GAB2: variants seen among roughly 807,000 people sequenced by gnomAD.
GAB2 encodes GRB2 associated binding protein 2, also known as GRB2-associated-binding protein 2.
A neutral mutation model predicts 65.5 loss-of-function variants in GAB2; 26 were observed. The ratio of observed to expected loss-of-function variants is 0.40; its 90% confidence interval spans 0.29 to 0.55. The LOEUF (loss-of-function observed/expected upper bound fraction) is 0.55. Ranked by LOEUF, GAB2 falls within the 20% of genes least tolerant of loss-of-function variation. GAB2 has a pLI of 0.53. For missense variants in GAB2, 884 were observed against 875.8 expected (o/e 1.01, Z -0.12); for synonymous variants, 321 against 329.6 (o/e 0.97, Z 0.28).
intron 1 of GAB2, among the ~76,000 whole-genome samples, chr11:78,349,411 C>T (rs894502166): frequency 1.3e-5 from 2 of 152,176 alleles, no homozygotes; most frequent in African/African-American, 4.8e-5. Context: ...ATGAGGTAGG[C>T]ACTATTATCT....
At chr11:78,239,030 C>G (rs1195511679) in intron 3 of GAB2, among the ~76,000 whole-genome samples, 2 of 151,752 alleles carry the variant, frequency 1.3e-5, no homozygotes. Flanking sequence ...TTGCTCAACA[C>G]CACTAATCAT....
intron 2 of GAB2, among the ~76,000 whole-genome samples, chr11:78,253,968 A>G (rs897930025): frequency 3.9e-5 from 6 of 152,130 alleles, no homozygotes; most frequent in Middle Eastern, 3.2e-3. Flanking sequence ...CATGCCCCCT[A>G]TGTTGAATGC....
intron 1 of GAB2, among the ~76,000 whole-genome samples, chr11:78,296,247 GGCTGGGGACCCCTGCTCTAGGGGAAAAAT>G (rs1310359801): frequency 6.6e-6 from 1 of 152,210 alleles, no homozygotes; most frequent in Non-Finnish European, 1.5e-5. Context: ...CGGCCCAGGG[GGCTGGGGACCCCTGCTCTAGGGGAAAAAT>G]ACCAGATTAG....
At chr11:78,370,256 C>A (rs1359841360) in intron 1 of GAB2, among the ~76,000 whole-genome samples, 71 of 99,138 alleles carry the variant, frequency 7.2e-4, no homozygotes, top group East Asian at 5.4e-3. Context: ...GACTCCGTCT[C>A]AAAAAAAAAA....
Position 78,227,016 on chromosome 11 carries a change from A to C in GAB2, c.656T>G (p.Phe219Cys). 6.2e-7 allele frequency: 1 copy of C among 1,613,058 alleles called. No homozygotes were observed. The highest frequency in any genetic ancestry group is 1.1e-5 in the South Asian group (1 of 91,072). The change falls in exon 4 of 10, where the codon TTT (phenylalanine) becomes TGT (cysteine). Residue 219 changes from phenylalanine to cysteine, a missense_variant. By Grantham distance (205) the Phe-to-Cys change is radical. Coordinates refer to ENST00000361507, the MANE Select transcript of GAB2 (RefSeq NM_080491.3). ...ASFSQGTRAS[F>C]LMRSDTAVQK... ...TACAGCTGTGTCACTCCTCATGAGA[A>C]AAGAGGCTCTGGTGCCCTGAGAGAA...
In GAB2 at chr11:78,226,882, T is replaced by C. The variant is rs199661541; in HGVS notation, c.790A>G (p.Ser264Gly). 131 of 1,614,006 alleles carry C rather than the reference T, an allele frequency of 8.1e-5. No homozygotes were observed. The highest frequency in any genetic ancestry group is 1.1e-4 in the Non-Finnish European group (125 of 1,180,016). Residue 264 changes from serine (S) to glycine (G), a missense_variant, in exon 4 of 10, where the codon AGT (serine) becomes GGT (glycine). Transcript: ENST00000361507. ...PSRHNTEFRD[S>G]TYDLPRSLAS... The stretch of plus-strand genomic sequence containing the variant: ...AGGCTGCGGGGGAGGTCGTAGGTAC[T>C]GTCTCTGAATTCTGTATTGTGCCGG...
At chr11:78,356,377 T>C (rs1279937145) in intron 1 of GAB2, among the ~76,000 whole-genome samples, 1 of 152,234 alleles carries the variant, frequency 6.6e-6, no homozygotes, top group African/African-American at 2.4e-5. Context: ...GAAATGTTTA[T>C]GTTTTCTTAT....
chr11:78,303,781 G>A (rs1379479987), intron 1 of GAB2, among the ~76,000 whole-genome samples: 1 of 151,964 alleles, frequency 6.6e-6, no homozygotes, highest in Admixed American at 6.5e-5. Flanking sequence ...CTGTTTGATT[G>A]AATTTACTGA....
In GAB2 at chr11:78,221,687, T is replaced by G; in HGVS notation, c.1751A>C (p.Tyr584Ser). The G allele has an allele frequency of 6.2e-7, 1 of 1,609,918 alleles. No individual in the cohort carries two copies. The highest frequency in any genetic ancestry group is 8.5e-7 in the Non-Finnish European group (1 of 1,176,416). ...STDSGDSEENYVPMQNPVSAS... is the reference protein window; with the variant it reads ...STDSGDSEENSVPMQNPVSAS... ...GCCCGAAGGACTCACCATAGGGACATAGTTCTCTTCGCTGTCTCCTGAGTC... is the reference window on the plus strand; with the variant it reads ...GCCCGAAGGACTCACCATAGGGACAGAGTTCTCTTCGCTGTCTCCTGAGTC... Residue 584 changes from tyrosine to serine, a missense_variant, in exon 8 of 10, where the codon TAT becomes TCT. Tyr to Ser is a moderately radical substitution (Grantham distance 144). Coordinates refer to ENST00000361507, the MANE Select transcript of GAB2 (RefSeq NM_080491.3).
chr11:78,244,995 T>C lies in GAB2; in HGVS notation c.620+5162A>G, dbSNP rs527495207. 8.5e-5 allele frequency among the ~76,000 whole-genome samples: 13 copies of C among 152,348 alleles called. No individual in the cohort carries two copies. In the South Asian group the frequency reaches 1.9e-3, roughly 22 times the overall value. ...AGAGCTATTTGCACCCCTATGTTTATTGCATCATTAGTCACGATAGCCAAG... is the reference window on the plus strand; with the variant it reads ...AGAGCTATTTGCACCCCTATGTTTACTGCATCATTAGTCACGATAGCCAAG... On this transcript the variant is annotated intron_variant, in intron 3 of 9. Transcript: ENST00000361507.
At chr11:78,342,190 T>C (rs1187019048) in intron 1 of GAB2, among the ~76,000 whole-genome samples, 1 of 152,248 alleles carries the variant, frequency 6.6e-6, no homozygotes, top group Non-Finnish European at 1.5e-5. Context: ...GCTTACACTC[T>C]AGTGAATGCT....
At position 78,320,875 on chromosome 11, in the gene GAB2, C is replaced by A. The variant is rs187691452; in HGVS notation, c.76-39974G>T. On this transcript the variant is annotated intron_variant, in intron 1 of 9. Coordinates refer to ENST00000361507, the MANE Select transcript of GAB2 (RefSeq NM_080491.3). ...CATGAGCCACTGTGCCCAGTCTCAA[C>A]TGGGAGATATTATAGTCCCAGTAAG... Among the ~76,000 whole-genome samples the A allele has an allele frequency of 4.6e-3, 695 of 152,118 alleles. 4 individuals carry two copies. Among genetic ancestry groups the A allele is most frequent in the African/African-American group, 0.016 (672 of 41,512 alleles).
chr11:78,382,825 A>G (rs1856715135), intron 1 of GAB2, among the ~76,000 whole-genome samples: 1 of 152,238 alleles, frequency 6.6e-6, no homozygotes. Context: ...TGTTACTAAA[A>G]CAAGGAACTC....
chr11:78,265,370 C>T (rs1030423661), intron 2 of GAB2, among the ~76,000 whole-genome samples: 1 of 152,134 alleles, frequency 6.6e-6, no homozygotes, highest in Admixed American at 6.5e-5. Flanking sequence ...TAGTTGCCCT[C>T]TCTTCACCTC....
chr11:78,250,515 G>C (rs1865425450), intron 2 of GAB2, 115 bp from the exon 3 acceptor site: 2 of 919,608 alleles, frequency 2.2e-6, no homozygotes, highest in Admixed American at 4.1e-5. Flanking sequence ...TCCAGCACTA[G>C]CATTCTCTCC....
chr11:78,342,408 T>TC (rs1856112332), intron 1 of GAB2, among the ~76,000 whole-genome samples: 1 of 146,874 alleles, frequency 6.8e-6, no homozygotes, highest in Non-Finnish European at 1.5e-5. Context: ...TTTGCACTTT[T>TC]TTTTTTTTTT....
chr11:78,295,473 C>T (rs1215045354), intron 1 of GAB2, among the ~76,000 whole-genome samples: 2 of 152,308 alleles, frequency 1.3e-5, no homozygotes, highest in East Asian at 1.9e-4. Context: ...CACACCTACA[C>T]AAACTCTCCC....
intron 1 of GAB2, among the ~76,000 whole-genome samples, chr11:78,281,607 T>A (rs1866337957): frequency 6.6e-6 from 1 of 152,246 alleles, no homozygotes; most frequent in Non-Finnish European, 1.5e-5. Context: ...CTGTGGGACC[T>A]GCAGGTGCCA....
rs545993138 is a variant in GAB2 at position 78,277,463 on chromosome 11, G to T, written c.376+3138C>A. ...TTGCAGCTGGTGCTGGGGAAAGACGGTCTCCCAATCGATAGAAAACACCTG... is the reference window on the plus strand; with the variant it reads ...TTGCAGCTGGTGCTGGGGAAAGACGTTCTCCCAATCGATAGAAAACACCTG... On this transcript the variant is annotated intron_variant, in intron 2 of 9. Transcript: ENST00000361507. Among the ~76,000 whole-genome samples the T allele has an allele frequency of 3.9e-5, 6 of 152,264 alleles. No individual in the cohort carries two copies. In the East Asian group the frequency reaches 9.7e-4, roughly 25 times the overall value.
Sources: allele counts gnomAD v4.1 joint callset (sites outside exome capture counted in the v4.1 genomes callset), GRCh38; gene constraint gnomAD v4.1.1; transcripts MANE v1.5; gene names NCBI Gene and HGNC (gene_info 2026-07-23, HGNC 2026-07-21).